The following MAMDC2 variants were observed in gnomAD, a reference collection of about 807,000 sequenced individuals.
The protein encoded by MAMDC2 is MAM domain-containing protein 2.
In MAMDC2, 57 loss-of-function variants were observed where a neutral mutation model predicts 89.8. That is an observed-to-expected ratio of 0.63 (90% CI 0.51 to 0.79). The LOEUF (loss-of-function observed/expected upper bound fraction) is 0.79, where lower values mean the gene tolerates loss of function less well. Among genes scored for constraint, MAMDC2 ranks in the 30% least tolerant of loss-of-function variants. The probability of loss-of-function intolerance (pLI) is 0.00; values close to 1 mark genes in which losing one functional copy is unlikely to be tolerated. For synonymous variants in MAMDC2, 313 were observed against 293.4 expected (o/e 1.07, Z -0.68); for missense variants, 800 against 820.6 (o/e 0.97, Z 0.31).
intron 9 of MAMDC2, among the ~76,000 whole-genome samples, chr9:70,155,302 G>A (rs1482143732): frequency 1.3e-5 from 2 of 152,128 alleles, no homozygotes. Flanking sequence ...TTCTTAGGAT[G>A]TGATCTCATG....
intron 11 of MAMDC2, among the ~76,000 whole-genome samples, chr9:70,174,693 G>A (rs942376202): frequency 6.6e-6 from 1 of 151,160 alleles, no homozygotes; most frequent in Non-Finnish European, 1.5e-5. Flanking sequence ...CCAGCTCATG[G>A]AGGACCTTGT....
intron 11 of MAMDC2, chr9:70,217,100 A>C: frequency 3.7e-6 from 2 of 535,126 alleles, no homozygotes; most frequent in South Asian, 4.7e-5. Flanking sequence ...AAATAGCAAT[A>C]AAATAAAATT....
intron 2 of MAMDC2, among the ~76,000 whole-genome samples, chr9:70,101,510 T>A (rs1001066337): frequency 2.6e-5 from 4 of 152,192 alleles, no homozygotes; most frequent in Admixed American, 2.6e-4. Context: ...TATACAGATG[T>A]ACTATTTCTT....
chr9:70,198,962 T>C (rs1459623182), intron 11 of MAMDC2, among the ~76,000 whole-genome samples: 1 of 152,192 alleles, frequency 6.6e-6, no homozygotes. Flanking sequence ...GTAGGAATGC[T>C]ATCCAGTGAG....
intron 1 of MAMDC2, 76 bp downstream of exon 1, chr9:70,044,307 G>C (rs1826679488): frequency 1.3e-6 from 2 of 1,509,270 alleles, no homozygotes; most frequent in African/African-American, 2.7e-5. Context: ...CCGGGGGTCC[G>C]GCTCACCGTG....
At position 70,184,015 on chromosome 9, in the gene MAMDC2, G is replaced by A. The variant is rs374951835; in HGVS notation, c.1651+13384G>A. 9.2e-4 allele frequency among the ~76,000 whole-genome samples: 140 copies of A among 152,230 alleles called. 1 individual carries two copies. In the South Asian group the frequency reaches 0.027, roughly 29 times the overall value. ...ATTTGGTACGTATTTGCAGTAGCTGGTACTGGTTTTTCCTTTCCATATTTA... is the reference window on the plus strand; with the variant it reads ...ATTTGGTACGTATTTGCAGTAGCTGATACTGGTTTTTCCTTTCCATATTTA... On this transcript the variant is annotated intron_variant, in intron 11 of 13. Transcript: ENST00000377182.
At chr9:70,217,667 A>T in intron 11 of MAMDC2, 1 of 1,570,548 alleles carries the variant, frequency 6.4e-7, no homozygotes, top group Non-Finnish European at 8.7e-7. Flanking sequence ...GGAAAACGCT[A>T]AACTGGCAGA....
intron 2 of MAMDC2, among the ~76,000 whole-genome samples, chr9:70,057,609 C>T (rs1295773866): frequency 5.3e-5 from 8 of 152,152 alleles, no homozygotes; most frequent in Non-Finnish European, 1.0e-4. Context: ...TAAGTTTGGA[C>T]ACATTTATGA....
chr9:70,167,379 ACT>A (rs1455448722), intron 9 of MAMDC2, among the ~76,000 whole-genome samples: 1 of 152,162 alleles, frequency 6.6e-6, no homozygotes, highest in Non-Finnish European at 1.5e-5. Flanking sequence ...TATTCTAATG[ACT>A]CTGATCATCA....
chr9:70,191,721 A>T (rs1478239698), intron 11 of MAMDC2, among the ~76,000 whole-genome samples: 2 of 151,800 alleles, frequency 1.3e-5, no homozygotes, highest in Admixed American at 1.3e-4. Flanking sequence ...TCTACCCTAA[A>T]CCTAGGATAT....
At chr9:70,203,445 C>T in intron 11 of MAMDC2, among the ~76,000 whole-genome samples, 1 of 138,800 alleles carries the variant, frequency 7.2e-6, no homozygotes, top group Non-Finnish European at 1.6e-5. Context: ...TGATGGGCTT[C>T]CCTTTGAGGG....
chr9:70,043,927 C>A lies in MAMDC2; in HGVS notation c.-271C>A. On this transcript the variant is annotated 5_prime_UTR_variant, in exon 1 of 14. Transcript: ENST00000377182. ...CCTCCCTGTCCAGCCCCATCGTCGC[C>A]CAGGACCAGCTGGGCCGCGGTCTGA... 5.2e-6 allele frequency: 3 copies of A among 579,192 alleles called. No individual in the cohort carries two copies. The highest frequency in any genetic ancestry group is 9.2e-6 in the Non-Finnish European group (3 of 325,072). 35.9% of individuals were successfully genotyped at this position (579,192 alleles called of 1,614,324 possible). A position where few individuals can be genotyped will look rare whatever the true frequency, so the allele number is the denominator to read the frequency against.
chr9:70,079,967 G>GT (rs543493029), intron 2 of MAMDC2, among the ~76,000 whole-genome samples: 3 of 152,136 alleles, frequency 2.0e-5, no homozygotes, highest in Non-Finnish European at 4.4e-5. Context: ...AATTACAAGT[G>GT]TTATTGCAAA....
chr9:70,136,202 C>T (rs1235983672), intron 7 of MAMDC2, among the ~76,000 whole-genome samples: 2 of 152,152 alleles, frequency 1.3e-5, no homozygotes, highest in South Asian at 2.1e-4. Flanking sequence ...TTCACCTCTC[C>T]TTCCCCCAAA....
At chr9:70,078,127 G>A (rs1009297843) in intron 2 of MAMDC2, among the ~76,000 whole-genome samples, 2 of 151,376 alleles carry the variant, frequency 1.3e-5, no homozygotes, top group African/African-American at 4.9e-5. Context: ...GTGAGATCAT[G>A]ACAATTAGGG....
At chr9:70,060,085 C>G (rs563055013) in intron 2 of MAMDC2, among the ~76,000 whole-genome samples, 20 of 152,296 alleles carry the variant, frequency 1.3e-4, no homozygotes, top group African/African-American at 4.3e-4. Context: ...GACATTGGCT[C>G]TCTGATATTT....
chr9:70,140,128 G>A lies in MAMDC2; in HGVS notation c.995-17G>A. On this transcript the variant is annotated splice_polypyrimidine_tract_variant and intron_variant, in intron 7 of 13. Transcript: ENST00000377182. ...GATCTTTGGGACTGTCATTAACTTTGCTTGTCCTTTGCTCAGAACTTCTGT... is the reference window on the plus strand; with the variant it reads ...GATCTTTGGGACTGTCATTAACTTTACTTGTCCTTTGCTCAGAACTTCTGT... 6.5e-7 allele frequency: 1 copy of A among 1,547,848 alleles called. No homozygotes were observed. The highest frequency in any genetic ancestry group is 8.6e-7 in the Non-Finnish European group (1 of 1,158,196).
chr9:70,215,284 G>C (rs182969244), intron 11 of MAMDC2, among the ~76,000 whole-genome samples: 112 of 147,510 alleles, frequency 7.6e-4, no homozygotes, highest in African/African-American at 2.6e-3. Context: ...GACAAAGACT[G>C]AAAACTGACC....
At chr9:70,099,980 A>AAGAGAGGG in intron 2 of MAMDC2, among the ~76,000 whole-genome samples, 1 of 115,638 alleles carries the variant, frequency 8.6e-6, no homozygotes, top group Admixed American at 1.0e-4. Flanking sequence ...GCCAAAAAGA[A>AAGAGAGGG]AGAGAGAGAG....
Sources: gnomAD v4.1 joint callset for allele counts (sites outside exome capture counted in the v4.1 genomes callset) on GRCh38, gnomAD v4.1.1 for gene constraint, MANE v1.5 for transcripts, NCBI Gene and HGNC (gene_info 2026-07-23, HGNC 2026-07-21) for gene names.